The following CCDC73 variants were observed in gnomAD, a reference collection of about 807,000 sequenced individuals.
The protein encoded by CCDC73 is coiled-coil domain-containing protein 73.
In CCDC73, 95 loss-of-function variants were observed where a neutral mutation model predicts 116.5. The observed-to-expected ratio is 0.82, with a 90% CI of 0.69 to 0.97. CCDC73 has a LOEUF of 0.97. Among genes scored for constraint, CCDC73 ranks in the 50% least tolerant of loss-of-function variants. The pLI is 0.00. For synonymous variants in CCDC73, 398 were observed against 401.3 expected, an observed-to-expected ratio of 0.99 and a Z score of 0.10; for missense variants, 1,066 against 1,206.8, an observed-to-expected ratio of 0.88 and a Z score of 1.73.
intron 2 of CCDC73, among the ~76,000 whole-genome samples, chr11:32,754,990 C>T (rs1850320329): frequency 6.8e-6 from 1 of 147,428 alleles, no homozygotes; most frequent in Non-Finnish European, 1.5e-5. Context: ...CGGATTCAAG[C>T]GATTCTCCTG....
At chr11:32,677,317 C>T (rs1196760109) in intron 7 of CCDC73, among the ~76,000 whole-genome samples, 1 of 152,176 alleles carries the variant, frequency 6.6e-6, no homozygotes, top group African/African-American at 2.4e-5. Flanking sequence ...AACTTCATTA[C>T]AACATGGACT....
chr11:32,800,629 T>A, the CCDC73 span, among the ~76,000 whole-genome samples: 1 of 152,198 alleles, frequency 6.6e-6, no homozygotes, highest in Non-Finnish European at 1.5e-5. Context: ...CCTTTACTTA[T>A]GTTAATGATG....
chr11:32,707,570 A>G (rs149151567), intron 3 of CCDC73, among the ~76,000 whole-genome samples: 35 of 152,236 alleles, frequency 2.3e-4, no homozygotes, highest in African/African-American at 8.4e-4. Context: ...ACACTTGCAT[A>G]ATATGGGGAC....
rs561318829 is a variant in CCDC73, at chr11:32,665,236, C to A, written c.646-10264G>T. On this transcript the variant is annotated intron_variant, in intron 9 of 17. Coordinates refer to ENST00000335185, the MANE Select transcript of CCDC73 (RefSeq NM_001008391.4). ...CTTTTTAACTTTCTGTTTTGTTGAT[C>A]TGTCTAATGTTGACAGTGGGGTGTT... Among the ~76,000 whole-genome samples, 229 of 152,250 alleles carry A rather than the reference C, an allele frequency of 1.5e-3. 1 individual carries two copies. Among genetic ancestry groups the A allele is most frequent in the African/African-American group, 4.9e-3 (203 of 41,534 alleles).
intron 17 of CCDC73, among the ~76,000 whole-genome samples, chr11:32,610,108 A>C (rs144199943): frequency 1.5e-4 from 23 of 152,172 alleles, no homozygotes; most frequent in African/African-American, 5.5e-4. Context: ...CAGTTCTTAC[A>C]TGGCGGCAGC....
chr11:32,708,000 G>T (rs2133322231), intron 3 of CCDC73, among the ~76,000 whole-genome samples: 1 of 152,196 alleles, frequency 6.6e-6, no homozygotes, highest in South Asian at 2.1e-4. Flanking sequence ...GGTTTTTCCA[G>T]AATTTTTATG....
intron 9 of CCDC73, among the ~76,000 whole-genome samples, chr11:32,669,991 T>C (rs1856021264): frequency 6.6e-6 from 1 of 152,218 alleles, no homozygotes; most frequent in Non-Finnish European, 1.5e-5. Context: ...GCAGTGGGGT[T>C]GTCAATTGAG....
At chr11:32,789,538 A>G (rs150715530) in intron 1 of CCDC73, among the ~76,000 whole-genome samples, 1,624 of 152,280 alleles carry the variant, frequency 0.011, 28 homozygotes, top group African/African-American at 0.037. Context: ...TGGGAGGCTA[A>G]GGCAGGAGGA....
At chr11:32,637,123 G>T (rs1441936725) in intron 13 of CCDC73, among the ~76,000 whole-genome samples, 1 of 147,710 alleles carries the variant, frequency 6.8e-6, no homozygotes, top group Non-Finnish European at 1.5e-5. Flanking sequence ...GGATTCAAGC[G>T]AGTCTTCTGC....
chr11:32,672,188 A>G (rs1456499668), intron 9 of CCDC73, among the ~76,000 whole-genome samples: 2 of 152,098 alleles, frequency 1.3e-5, no homozygotes, highest in Non-Finnish European at 1.5e-5. Flanking sequence ...CTAAAAATAC[A>G]AAAATTAGCT....
intron 14 of CCDC73, among the ~76,000 whole-genome samples, chr11:32,620,152 T>C (rs1327176877): frequency 2.6e-5 from 4 of 152,160 alleles, no homozygotes; most frequent in Non-Finnish European, 5.9e-5. Context: ...CCAATCAAGC[T>C]ATCATCTACA....
intron 9 of CCDC73, among the ~76,000 whole-genome samples, chr11:32,657,309 T>C (rs1855882873): frequency 6.6e-6 from 1 of 152,222 alleles, no homozygotes; most frequent in Non-Finnish European, 1.5e-5. Context: ...TTTGGATATG[T>C]ACACTGCATA....
chr11:32,708,258 T>A (rs566379119), intron 3 of CCDC73, among the ~76,000 whole-genome samples: 1 of 152,302 alleles, frequency 6.6e-6, no homozygotes, highest in South Asian at 2.1e-4. Context: ...GTTCCATTGA[T>A]CTATGTGCCT....
intron 2 of CCDC73, among the ~76,000 whole-genome samples, chr11:32,741,882 C>A (rs1049963533): frequency 6.6e-6 from 1 of 151,640 alleles, no homozygotes; most frequent in Non-Finnish European, 1.5e-5. Flanking sequence ...TTGTTCTACC[C>A]CCACTTATGA....
At chr11:32,699,844 C>T (rs12283935) in intron 5 of CCDC73, among the ~76,000 whole-genome samples, 1,565 of 149,422 alleles carry the variant, frequency 0.01, 26 homozygotes, top group African/African-American at 0.036. Context: ...CAAACCTGCA[C>T]GTTGTGCACA....
the CCDC73 span, among the ~76,000 whole-genome samples, chr11:32,823,217 T>A: frequency 6.6e-6 from 1 of 152,256 alleles, no homozygotes. Flanking sequence ...CTCATGCCTG[T>A]AATCCCAGCA....
the CCDC73 span, among the ~76,000 whole-genome samples, chr11:32,819,629 A>C: frequency 6.6e-6 from 1 of 151,894 alleles, no homozygotes; most frequent in African/African-American, 2.4e-5. Flanking sequence ...CACCTGACTA[A>C]TTTTTGTATT....
intron 2 of CCDC73, among the ~76,000 whole-genome samples, chr11:32,757,092 T>C (rs1226065784): frequency 6.6e-6 from 1 of 152,082 alleles, no homozygotes; most frequent in Non-Finnish European, 1.5e-5. Context: ...TACATTTATA[T>C]TATAGATACT....
At position 32,654,010 on chromosome 11, in the gene CCDC73, C is replaced by G. The variant is rs1167852367; in HGVS notation, c.802G>C (p.Glu268Gln). Residue 268 changes from glutamate (E) to glutamine (Q), a missense_variant, in exon 11 of 18, where the codon GAA becomes CAA. Coordinates refer to ENST00000335185, the MANE Select transcript of CCDC73 (RefSeq NM_001008391.4). ...MELELNEKINEEITHIQEEKQ... is the reference protein window; with the variant it reads ...MELELNEKINQEITHIQEEKQ... ...TCTTCTTGAATATGGGTAATCTCTT[C>G]ATTAATCTTCTCATTTAATTCCAAT... The G allele has an allele frequency of 2.0e-5, 32 of 1,598,364 alleles. No homozygotes were observed. Among genetic ancestry groups the G allele is most frequent in the Non-Finnish European group, 2.7e-5 (32 of 1,171,750 alleles).
Sources: gnomAD v4.1 joint callset for allele counts (sites outside exome capture counted in the v4.1 genomes callset) on GRCh38, gnomAD v4.1.1 for gene constraint, MANE v1.5 for transcripts, NCBI Gene and HGNC (gene_info 2026-07-23, HGNC 2026-07-21) for gene names.